Variants in STK33 observed in about 807,000 individuals in gnomAD.
The protein encoded by STK33 is serine/threonine kinase 33, also known as serine/threonine-protein kinase 33.
Under a neutral mutation model 58.0 loss-of-function variants are expected in STK33, and 52 were observed. The ratio of observed to expected loss-of-function variants is 0.90; its 90% confidence interval spans 0.72 to 1.13. The LOEUF is 1.13. STK33 is among the 50% of genes most tolerant of loss of function. The pLI is 0.00. For synonymous variants in STK33, 215 were observed against 200.1 expected (o/e 1.07, Z -0.63); for missense variants, 630 against 604.2 (o/e 1.04, Z -0.45).
intron 1 of STK33, among the ~76,000 whole-genome samples, chr11:8,566,510 G>A (rs2141030212): frequency 6.6e-6 from 1 of 152,278 alleles, no homozygotes; most frequent in African/African-American, 2.4e-5. Flanking sequence ...GGTTCATTTA[G>A]AGGCAACAAC....
At chr11:8,404,436 C>G (rs1938713431) in intron 15 of STK33, among the ~76,000 whole-genome samples, 1 of 152,126 alleles carries the variant, frequency 6.6e-6, no homozygotes, top group Non-Finnish European at 1.5e-5. Flanking sequence ...CCAGTCAACC[C>G]TCTTCTCCTG....
At chr11:8,507,714 C>CT (rs1232524230) in intron 1 of STK33, among the ~76,000 whole-genome samples, 1 of 152,160 alleles carries the variant, frequency 6.6e-6, no homozygotes, top group Non-Finnish European at 1.5e-5. Flanking sequence ...CAAGCCCCTA[C>CT]TTTTTAATAC....
intron 1 of STK33, among the ~76,000 whole-genome samples, chr11:8,562,827 G>GT (rs1957204779): frequency 6.6e-6 from 1 of 152,182 alleles, no homozygotes; most frequent in Non-Finnish European, 1.5e-5. Flanking sequence ...GGGAGGCACT[G>GT]AAGATACAGC....
chr11:8,521,738 T>C (rs575990549), intron 1 of STK33, among the ~76,000 whole-genome samples: 25 of 152,234 alleles, frequency 1.6e-4, no homozygotes, highest in African/African-American at 4.8e-4. Context: ...CTGAAAGGGC[T>C]AATATCCAGA....
intron 11 of STK33, among the ~76,000 whole-genome samples, chr11:8,445,742 G>T (rs988035661): frequency 6.6e-6 from 1 of 152,192 alleles, no homozygotes; most frequent in African/African-American, 2.4e-5. Flanking sequence ...ACTTGATTGT[G>T]GTGGATAAGC....
chr11:8,549,405 T>C (rs1386453866), intron 1 of STK33, among the ~76,000 whole-genome samples: 1 of 152,176 alleles, frequency 6.6e-6, no homozygotes, highest in African/African-American at 2.4e-5. Context: ...TGCATCTATG[T>C]TCATTGGGGA....
chr11:8,472,525 G>A (rs896680005), intron 6 of STK33, among the ~76,000 whole-genome samples: 6 of 152,156 alleles, frequency 3.9e-5, no homozygotes, highest in Non-Finnish European at 8.8e-5. Flanking sequence ...TGAGCAATCA[G>A]AACATATACA....
the STK33 span, among the ~76,000 whole-genome samples, chr11:8,377,253 G>C: frequency 1.3e-5 from 2 of 152,062 alleles, no homozygotes; most frequent in African/African-American, 4.8e-5. Context: ...GCCTAGGCAG[G>C]GCCATTGCAG....
intron 1 of STK33, among the ~76,000 whole-genome samples, chr11:8,490,149 T>C (rs528120191): frequency 1.5e-3 from 235 of 152,220 alleles, no homozygotes; most frequent in African/African-American, 5.1e-3. Flanking sequence ...GGTCGAGGGA[T>C]TTCCCTTTCC....
chr11:8,453,259 T>A (rs527710443), intron 10 of STK33, among the ~76,000 whole-genome samples: 39 of 152,352 alleles, frequency 2.6e-4, no homozygotes, highest in African/African-American at 8.9e-4. Flanking sequence ...AGTTCTTTCC[T>A]TGTAAAATAT....
intron 1 of STK33, among the ~76,000 whole-genome samples, chr11:8,485,376 T>C (rs1159775304): frequency 6.6e-6 from 1 of 152,218 alleles, no homozygotes; most frequent in African/African-American, 2.4e-5. Context: ...AAGCACACTT[T>C]TTAACCAGAT....
At chr11:8,576,394 T>G (rs1958185552) in intron 1 of STK33, among the ~76,000 whole-genome samples, 1 of 152,226 alleles carries the variant, frequency 6.6e-6, no homozygotes, top group Non-Finnish European at 1.5e-5. Flanking sequence ...CTTTCCAAAC[T>G]ATTTGATGTT....
rs529119477 is a variant in STK33 at position 8,459,980 on chromosome 11, A to G, written c.558+1825T>C. 6.6e-5 allele frequency among the ~76,000 whole-genome samples: 10 copies of G among 152,352 alleles called. No homozygotes were observed. In the East Asian group the frequency reaches 1.9e-3, roughly 29 times the overall value. On this transcript the variant is annotated intron_variant, in intron 8 of 15. Coordinates refer to ENST00000687296, the MANE Select transcript of STK33 (RefSeq NM_001352389.2). ...GAGCTGGAGGTAAACCTCGTAATTC[A>G]TGGAGCACTGGGGAGAGCCCCTCAG...
At chr11:8,387,528 T>C (rs1848560228), downstream of STK33, among the ~76,000 whole-genome samples, 1 of 152,206 alleles carries the variant, frequency 6.6e-6, no homozygotes, top group Non-Finnish European at 1.5e-5. Context: ...TGGAAAGAAC[T>C]GATACACGTA....
intron 1 of STK33, among the ~76,000 whole-genome samples, chr11:8,518,090 A>G (rs1003407110): frequency 7.9e-5 from 12 of 152,214 alleles, no homozygotes; most frequent in African/African-American, 9.6e-5. Context: ...GCAGCCAGAG[A>G]GAAAGGTCGG....
chr11:8,522,808 G>A (rs1394154754), intron 1 of STK33, among the ~76,000 whole-genome samples: 4 of 151,252 alleles, frequency 2.6e-5, no homozygotes, highest in Non-Finnish European at 4.4e-5. Context: ...CCTCTCCCTC[G>A]TCTCCCCTTT....
chr11:8,590,258 C>G (rs572698637), intron 1 of STK33, among the ~76,000 whole-genome samples: 1 of 152,144 alleles, frequency 6.6e-6, no homozygotes, highest in African/African-American at 2.4e-5. Context: ...ATCATCAGCT[C>G]ATGTTAAGAA....
At chr11:8,556,360 G>A (rs1956745238) in intron 1 of STK33, among the ~76,000 whole-genome samples, 1 of 152,154 alleles carries the variant, frequency 6.6e-6, no homozygotes, top group African/African-American at 2.4e-5. Flanking sequence ...TAAGCCTGCA[G>A]GAATTCAGGA....
chr11:8,452,970 A>G (rs1946462705), intron 10 of STK33, 64 bp from the exon 11 acceptor site: 6 of 1,354,882 alleles, frequency 4.4e-6, no homozygotes, highest in African/African-American at 1.4e-5. Flanking sequence ...CATTCTGAAG[A>G]TAAGACTTCA....
Sources: allele counts gnomAD v4.1 joint callset (sites outside exome capture counted in the v4.1 genomes callset), GRCh38; gene constraint gnomAD v4.1.1; transcripts MANE v1.5; gene names NCBI Gene and HGNC (gene_info 2026-07-23, HGNC 2026-07-21).